BACH2: variants seen among roughly 807,000 people sequenced by gnomAD.
BACH2 encodes the protein transcription regulator protein BACH2.
BACH2 carries 5 observed loss-of-function variants against 61.8 expected under a neutral mutation model. That is an observed-to-expected ratio of 0.08 (90% CI 0.04 to 0.17). The LOEUF is 0.17. Among genes scored for constraint, BACH2 ranks in the 10% least tolerant of loss-of-function variants. BACH2 has a pLI of 1.00. For synonymous variants in BACH2, 446 were observed against 440.1 expected (o/e 1.01, Z -0.17); for missense variants, 824 against 1,091.1 (o/e 0.76, Z 3.45).
At chr6:90,216,544 C>T (rs547969860) in intron 3 of BACH2, among the ~76,000 whole-genome samples, 8 of 152,170 alleles carry the variant, frequency 5.3e-5, no homozygotes, top group Non-Finnish European at 8.8e-5. Context: ...CTGCTAAGGT[C>T]GCAATTCCAA....
At chr6:89,952,895 T>C (rs1217400002) in intron 6 of BACH2, 1 of 152,256 alleles carries the variant, frequency 6.6e-6, no homozygotes, top group African/African-American at 2.4e-5. Flanking sequence ...TTAAACTTGC[T>C]GGTGTTCATC....
At chr6:89,970,163 G>A (rs536263367) in intron 6 of BACH2, among the ~76,000 whole-genome samples, 2 of 152,346 alleles carry the variant, frequency 1.3e-5, no homozygotes, top group South Asian at 2.1e-4. Context: ...GTCAGAGTTC[G>A]GAGGATGTGA....
intron 6 of BACH2, among the ~76,000 whole-genome samples, chr6:89,959,477 T>C (rs949573583): frequency 6.8e-6 from 1 of 147,558 alleles, no homozygotes; most frequent in African/African-American, 2.5e-5. Context: ...CACAGGGTTT[T>C]CCGAAATGTA....
At chr6:90,279,666 TGGTA>T (rs1771800889) in intron 1 of BACH2, among the ~76,000 whole-genome samples, 1 of 152,188 alleles carries the variant, frequency 6.6e-6, no homozygotes, top group South Asian at 2.1e-4. Context: ...AACACAGACC[TGGTA>T]ACACACGCTT....
intron 4 of BACH2, among the ~76,000 whole-genome samples, chr6:90,170,414 G>C (rs751873510): frequency 3.9e-5 from 6 of 152,128 alleles, no homozygotes; most frequent in Non-Finnish European, 8.8e-5. Context: ...TGTAAGCTCA[G>C]TAGGAGCAAG....
chr6:90,287,710 A>T (rs574948744), intron 1 of BACH2, among the ~76,000 whole-genome samples: 3 of 152,286 alleles, frequency 2.0e-5, no homozygotes, highest in Non-Finnish European at 4.4e-5. Context: ...CTCCATTCAG[A>T]AATGGTCTCC....
At chr6:89,949,760 C>A (rs1273800669) in intron 7 of BACH2, among the ~76,000 whole-genome samples, 2 of 152,118 alleles carry the variant, frequency 1.3e-5, no homozygotes, top group Non-Finnish European at 2.9e-5. Context: ...CTGTGATGGA[C>A]ATGGGATGGC....
chr6:90,272,643 A>C (rs1486859319), intron 1 of BACH2, among the ~76,000 whole-genome samples: 1 of 152,242 alleles, frequency 6.6e-6, no homozygotes, highest in African/African-American at 2.4e-5. Context: ...CCTCCCAGCC[A>C]ACCAAGCTCC....
intron 4 of BACH2, among the ~76,000 whole-genome samples, chr6:90,166,307 CTCA>C (rs1767614822): frequency 1.3e-5 from 2 of 151,780 alleles, no homozygotes; most frequent in Admixed American, 1.3e-4. Context: ...TGAAAAAATG[CTCA>C]TCATCACTGG....
chr6:90,011,614 C>T (rs1409323562), intron 5 of BACH2, among the ~76,000 whole-genome samples: 1 of 152,146 alleles, frequency 6.6e-6, no homozygotes, highest in Non-Finnish European at 1.5e-5. Flanking sequence ...GCTGGCACTA[C>T]AGGTGTGCAT....
chr6:90,059,231 A>C (rs1269000536), intron 5 of BACH2, among the ~76,000 whole-genome samples: 1 of 152,284 alleles, frequency 6.6e-6, no homozygotes, highest in African/African-American at 2.4e-5. Flanking sequence ...CTCATCTGAC[A>C]AAGGGCTAAT....
intron 3 of BACH2, among the ~76,000 whole-genome samples, chr6:90,217,205 G>T (rs933234072): frequency 2.6e-5 from 4 of 152,158 alleles, no homozygotes; most frequent in Non-Finnish European, 5.9e-5. Context: ...TCAGTGCCTT[G>T]TTTACTCCAG....
chr6:90,259,633 T>A (rs1279899264), intron 2 of BACH2, among the ~76,000 whole-genome samples: 3 of 152,186 alleles, frequency 2.0e-5, no homozygotes, highest in Non-Finnish European at 2.9e-5. Context: ...TTGGAAGAGT[T>A]TAAGAAGTAC....
chr6:90,117,555 C>G (rs1783455966), intron 4 of BACH2, among the ~76,000 whole-genome samples: 1 of 151,688 alleles, frequency 6.6e-6, no homozygotes, highest in Non-Finnish European at 1.5e-5. Flanking sequence ...ATAGCCTCCT[C>G]CACTCAACTG....
chr6:90,288,975 T>C (rs1283856750), intron 1 of BACH2, among the ~76,000 whole-genome samples: 1 of 152,206 alleles, frequency 6.6e-6, no homozygotes, highest in East Asian at 1.9e-4. Context: ...ATATGCCTAG[T>C]ACTTCTTTTG....
In BACH2 at chr6:90,008,905, C is replaced by T; in HGVS notation, c.-12-49G>A. ...AAAGAAAGAAAGAAAGGCTGAGTCA[C>T]CACAGCTGTAGGATCAGAGAGAGGA... On this transcript the variant is annotated intron_variant, in intron 5 of 8. Coordinates refer to ENST00000257749, the MANE Select transcript of BACH2 (RefSeq NM_021813.4). This position sits in a 1 kb window ranked among gnomAD's most constrained non-coding sequence, Gnocchi z 4.1. The T allele has an allele frequency of 6.3e-7, 1 of 1,592,944 alleles. No homozygotes were observed. The highest frequency in any genetic ancestry group is 8.6e-7 in the Non-Finnish European group (1 of 1,168,386).
chr6:89,934,909 CA>C (rs1772918488), intron 8 of BACH2, among the ~76,000 whole-genome samples: 1 of 152,162 alleles, frequency 6.6e-6, no homozygotes, highest in African/African-American at 2.4e-5. Flanking sequence ...AACATGAATG[CA>C]ATCTGGCAGG....
intron 3 of BACH2, among the ~76,000 whole-genome samples, chr6:90,240,543 C>T (rs1770415596): frequency 6.6e-6 from 1 of 152,162 alleles, no homozygotes; most frequent in Non-Finnish European, 1.5e-5. Context: ...ATGGTTATCT[C>T]CTCAGCCCCA....
intron 4 of BACH2, among the ~76,000 whole-genome samples, chr6:90,201,896 T>C (rs1386917864): frequency 1.3e-5 from 2 of 152,192 alleles, no homozygotes; most frequent in Non-Finnish European, 2.9e-5. Context: ...AACAAACCAT[T>C]GAGGGTGTCC....
Sources: allele counts gnomAD v4.1 joint callset (sites outside exome capture counted in the v4.1 genomes callset), GRCh38; gene constraint gnomAD v4.1.1; non-coding constraint Gnocchi (gnomAD v3.1); transcripts MANE v1.5; gene names NCBI Gene and HGNC (gene_info 2026-07-23, HGNC 2026-07-21).